HYAL4: variants seen among roughly 807,000 people sequenced by gnomAD.
The protein encoded by HYAL4 is hyaluronidase 4.
HYAL4 carries 37 observed loss-of-function variants against 35.2 expected under a neutral mutation model. The ratio of observed to expected loss-of-function variants is 1.05; its 90% CI spans 0.81 to 1.38. The LOEUF is 1.38. Among genes scored for constraint, HYAL4 ranks in the 40% most tolerant of loss-of-function variants. HYAL4 has a pLI of 0.00. For synonymous variants in HYAL4, 198 were observed against 203.2 expected, an observed-to-expected ratio of 0.97 and a Z score of 0.22; for missense variants, 572 against 572.4, an observed-to-expected ratio of 1.00 and a Z score of 0.01.
intron 1 of HYAL4, among the ~76,000 whole-genome samples, chr7:123,832,781 A>G (rs1350159239): frequency 1.3e-5 from 2 of 151,996 alleles, no homozygotes; most frequent in Non-Finnish European, 2.9e-5. Context: ...CACCGCGCCC[A>G]GCCTTTTGTG....
the HYAL4 span, among the ~76,000 whole-genome samples, chr7:123,796,734 C>T: frequency 1.5e-3 from 231 of 152,142 alleles, no homozygotes; most frequent in Non-Finnish European, 2.9e-3. Flanking sequence ...TATATATATA[C>T]AATGGAATAT....
At chr7:123,851,097 C>T (rs144901570) in intron 2 of HYAL4, among the ~76,000 whole-genome samples, 186 of 152,240 alleles carry the variant, frequency 1.2e-3, no homozygotes, top group African/African-American at 3.8e-3. Context: ...AATGTAGGAA[C>T]GCAACTTACT....
rs562286825 is a variant in HYAL4 at position 123,853,586 on chromosome 7, T to G, written c.-52+5428T>G. Among the ~76,000 whole-genome samples the G allele has an allele frequency of 3.9e-5, 6 of 152,272 alleles. No individual in the cohort carries two copies. The South Asian group carries it at 1.2e-3, about 32-fold the overall frequency. The stretch of plus-strand genomic sequence containing the variant: ...ATCTCAGGGATGAAGCCAACTTGAT[T>G]GTGGTAGATAGGCTTTTTGATGTGC... On this transcript the variant is annotated intron_variant, in intron 2 of 4. Coordinates refer to ENST00000223026, the MANE Select transcript of HYAL4 (RefSeq NM_012269.3).
At chr7:123,834,472 T>C (rs1022226896) in intron 1 of HYAL4, among the ~76,000 whole-genome samples, 6 of 152,178 alleles carry the variant, frequency 3.9e-5, no homozygotes, top group African/African-American at 1.4e-4. Flanking sequence ...TTAACAGCTC[T>C]AGGAGCTTTT....
intron 2 of HYAL4, among the ~76,000 whole-genome samples, chr7:123,854,408 C>T (rs1230783564): frequency 6.6e-6 from 1 of 152,170 alleles, no homozygotes; most frequent in Admixed American, 6.6e-5. Context: ...TCCCAGAGAT[C>T]TGGTACATTG....
the HYAL4 span, among the ~76,000 whole-genome samples, chr7:123,770,589 G>A: frequency 6.6e-6 from 1 of 152,194 alleles, no homozygotes; most frequent in East Asian, 1.9e-4. Context: ...TCAGAGATGG[G>A]GAAGAGCAGG....
intron 2 of HYAL4, among the ~76,000 whole-genome samples, chr7:123,851,132 G>C (rs1806296161): frequency 1.3e-5 from 2 of 152,210 alleles, no homozygotes; most frequent in Non-Finnish European, 2.9e-5. Flanking sequence ...GTGCAACACA[G>C]TTCTCACACC....
chr7:123,810,413 G>C, the HYAL4 span, among the ~76,000 whole-genome samples: 3 of 152,216 alleles, frequency 2.0e-5, no homozygotes, highest in African/African-American at 7.2e-5. Flanking sequence ...GAAACTCCTT[G>C]TTGGTCACAT....
intron 2 of HYAL4, among the ~76,000 whole-genome samples, chr7:123,850,076 T>C (rs529901397): frequency 6.6e-6 from 1 of 151,460 alleles, no homozygotes; most frequent in Admixed American, 6.6e-5. Context: ...GTGTGACACA[T>C]GTTAGAATCA....
the HYAL4 span, among the ~76,000 whole-genome samples, chr7:123,767,700 T>C: frequency 2.6e-5 from 4 of 152,194 alleles, no homozygotes; most frequent in African/African-American, 7.2e-5. Context: ...GGCATGACAT[T>C]GAGTTAGGTT....
chr7:123,837,487 A>G (rs991418787), intron 1 of HYAL4, among the ~76,000 whole-genome samples: 4 of 152,152 alleles, frequency 2.6e-5, no homozygotes, highest in African/African-American at 4.8e-5. Context: ...TTAAAATTCT[A>G]TTAACACTGA....
intron 1 of HYAL4, among the ~76,000 whole-genome samples, chr7:123,835,780 T>C (rs980821843): frequency 6.6e-6 from 1 of 152,210 alleles, no homozygotes; most frequent in African/African-American, 2.4e-5. Context: ...GTTGTGTCAC[T>C]ATTGCCATTC....
rs552888683 is a variant in HYAL4 at position 123,857,221 on chromosome 7, C to A, written c.-52+9063C>A. 2.3e-3 allele frequency among the ~76,000 whole-genome samples: 352 copies of A among 152,262 alleles called. 1 individual carries two copies. The highest frequency in any genetic ancestry group is 8.3e-3 in the African/African-American group (346 of 41,556). ...TCTGTCTCATTGGTGTTCCAGGTGCCACTGGGGTACAAAAAAACCTCCTGG... is the reference window on the plus strand; with the variant it reads ...TCTGTCTCATTGGTGTTCCAGGTGCAACTGGGGTACAAAAAAACCTCCTGG... On this transcript the variant is annotated intron_variant, in intron 2 of 4. Coordinates refer to ENST00000223026, the MANE Select transcript of HYAL4 (RefSeq NM_012269.3).
At chr7:123,828,403 A>G (rs956840082), upstream of HYAL4, among the ~76,000 whole-genome samples, 1 of 148,282 alleles carries the variant, frequency 6.7e-6, no homozygotes, top group Non-Finnish European at 1.5e-5. Flanking sequence ...AAAGCACAAA[A>G]TAATACTCCC....
intron 2 of HYAL4, among the ~76,000 whole-genome samples, chr7:123,848,666 T>C (rs1806227512): frequency 6.6e-6 from 1 of 152,256 alleles, no homozygotes; most frequent in Non-Finnish European, 1.5e-5. Flanking sequence ...ATAAATGTTT[T>C]CCATTAGAGT....
In HYAL4 at chr7:123,864,958, C is replaced by G. The variant is rs751376151; in HGVS notation, c.-51-3265C>G. Among the ~76,000 whole-genome samples the G allele has an allele frequency of 1.1e-4, 17 of 151,976 alleles. 1 individual carries two copies. The South Asian group carries it at 3.1e-3, about 28-fold the overall frequency. ...TTGGTCGTGCACCCACACATTTTAT[C>G]AGGAGCTATGTCTACCATCTGCCAT... On this transcript the variant is annotated intron_variant, in intron 2 of 4. Coordinates refer to ENST00000223026, the MANE Select transcript of HYAL4 (RefSeq NM_012269.3).
chr7:123,782,446 A>C, the HYAL4 span, among the ~76,000 whole-genome samples: 2 of 152,180 alleles, frequency 1.3e-5, no homozygotes, highest in African/African-American at 4.8e-5. Context: ...CACATATACT[A>C]ATAGCAGACG....
intron 1 of HYAL4, 76 bp from the exon 2 acceptor site, chr7:123,848,013 T>A (rs1171271660): frequency 6.6e-6 from 1 of 152,562 alleles, no homozygotes; most frequent in Non-Finnish European, 1.5e-5. Context: ...TATAAAGAGA[T>A]TTAATGCAAG....
the HYAL4 span, among the ~76,000 whole-genome samples, chr7:123,776,648 G>A: frequency 2.0e-5 from 3 of 152,212 alleles, no homozygotes; most frequent in African/African-American, 4.8e-5. Flanking sequence ...CGAACTCCTG[G>A]CCTCAAGCTG....
Sources: gnomAD v4.1 joint callset for allele counts (sites outside exome capture counted in the v4.1 genomes callset) on GRCh38, gnomAD v4.1.1 for gene constraint, MANE v1.5 for transcripts, NCBI Gene and HGNC (gene_info 2026-07-23, HGNC 2026-07-21) for gene names.